B3GALT1: variants seen among roughly 807,000 people sequenced by gnomAD.
B3GALT1 encodes the protein UDP-Gal:betaGlcNAc beta 1,3-galactosyltransferase, polypeptide 1.
A neutral mutation model predicts 23.2 loss-of-function variants in B3GALT1; 10 were observed. That is an observed-to-expected ratio of 0.43 (90% CI 0.27 to 0.73). The LOEUF is 0.73. Ranked by LOEUF, B3GALT1 falls within the 30% of genes least tolerant of loss-of-function variation. The pLI, the probability that B3GALT1 is intolerant of heterozygous loss-of-function variation, is 0.21. For synonymous variants in B3GALT1, 156 were observed against 141.5 expected (o/e 1.10, Z -0.73); for missense variants, 299 against 405.4 (o/e 0.74, Z 2.25).
intron 2 of B3GALT1, among the ~76,000 whole-genome samples, chr2:167,524,812 C>G (rs944395561): frequency 2.0e-5 from 3 of 152,200 alleles, no homozygotes; most frequent in African/African-American, 4.8e-5. Context: ...ACACTATCAG[C>G]ACCTTGCCTT....
At chr2:167,393,266 T>G (rs1490931746) in intron 1 of B3GALT1, among the ~76,000 whole-genome samples, 1 of 150,424 alleles carries the variant, frequency 6.6e-6, no homozygotes, top group Non-Finnish European at 1.5e-5. Context: ...ATGTTTATGT[T>G]GTTGGTGAGT....
chr2:167,300,310 A>G (rs1287993034), intron 1 of B3GALT1, among the ~76,000 whole-genome samples: 1 of 152,258 alleles, frequency 6.6e-6, no homozygotes, highest in Non-Finnish European at 1.5e-5. Context: ...TTAAAATTCA[A>G]AAGCTTCCTA....
At chr2:167,345,542 CTGT>C (rs1401806379) in intron 1 of B3GALT1, among the ~76,000 whole-genome samples, 2 of 152,100 alleles carry the variant, frequency 1.3e-5, no homozygotes, top group Non-Finnish European at 2.9e-5. Context: ...GTTGTGAACT[CTGT>C]TATCAGACCA....
intron 3 of B3GALT1, among the ~76,000 whole-genome samples, chr2:167,749,322 G>A (rs144158460): frequency 6.6e-6 from 1 of 152,116 alleles, no homozygotes; most frequent in Non-Finnish European, 1.5e-5. Flanking sequence ...CTATGTGTCC[G>A]ATCTTCCTGC....
chr2:167,871,850 A>C lies in B3GALT1; in HGVS notation c.*1830A>C, dbSNP rs1690354391. ...GAAAACACCTGTTTGTTCTCAAAGA[A>C]AGCCCCACAGCTGAAAGAGTGTACC... On this transcript the variant is annotated 3_prime_UTR_variant, in exon 5 of 5. Coordinates refer to ENST00000392690, the MANE Select transcript of B3GALT1 (RefSeq NM_020981.4). The C allele has an allele frequency of 6.6e-6, 1 of 151,644 alleles. No individual in the cohort carries two copies. Among genetic ancestry groups the C allele is most frequent in the African/African-American group, 2.4e-5 (1 of 41,278 alleles). The allele number at this position is 151,644 out of a possible 1,614,324, so 9.4% of individuals were successfully genotyped here.
At chr2:167,324,436 A>G (rs1042874910) in intron 1 of B3GALT1, among the ~76,000 whole-genome samples, 1 of 152,066 alleles carries the variant, frequency 6.6e-6, no homozygotes, top group Non-Finnish European at 1.5e-5. Context: ...GCTGATAATC[A>G]TGAGTAATCA....
chr2:167,641,997 C>A (rs1685660648), intron 2 of B3GALT1, among the ~76,000 whole-genome samples: 1 of 152,160 alleles, frequency 6.6e-6, no homozygotes, highest in Admixed American at 6.5e-5. Context: ...TATTTTGACT[C>A]TTTCTCCAGA....
rs1288458491 is a variant in B3GALT1, at chr2:167,872,425, GGTA to G, written c.*2406_*2408del. The G allele has an allele frequency of 6.6e-6, 1 of 152,136 alleles. No homozygotes were observed. The highest frequency in any genetic ancestry group is 2.4e-5 in the African/African-American group (1 of 41,414). 9.4% of individuals were successfully genotyped at this position (152,136 alleles called of 1,614,324 possible). On this transcript the variant is annotated 3_prime_UTR_variant, in exon 5 of 5. Transcript: ENST00000392690. The stretch of plus-strand genomic sequence containing the variant: ...GGTTTTGATTAGACAATAGCAATTA[GGTA>G]ACCTGGGGAGAGATGGATCAGCACA...
At chr2:167,602,056 C>T (rs1574161969) in intron 2 of B3GALT1, among the ~76,000 whole-genome samples, 1 of 152,188 alleles carries the variant, frequency 6.6e-6, no homozygotes, top group Non-Finnish European at 1.5e-5. Flanking sequence ...ATGCAGATTT[C>T]AGGACCCATA....
intron 4 of B3GALT1, among the ~76,000 whole-genome samples, chr2:167,825,391 TAGTC>T (rs904724549): frequency 2.0e-5 from 3 of 149,400 alleles, no homozygotes; most frequent in African/African-American, 7.3e-5. Context: ...GAGACAATGT[TAGTC>T]AGGGCTCTCC....
intron 3 of B3GALT1, among the ~76,000 whole-genome samples, chr2:167,773,962 A>G (rs1240511257): frequency 3.3e-5 from 5 of 152,240 alleles, no homozygotes; most frequent in African/African-American, 1.2e-4. Flanking sequence ...ACTGATAGCT[A>G]GTTATTCTAA....
At chr2:167,360,983 C>T (rs1241286016) in intron 1 of B3GALT1, among the ~76,000 whole-genome samples, 3 of 152,134 alleles carry the variant, frequency 2.0e-5, no homozygotes, top group African/African-American at 7.2e-5. Context: ...TGGCTTATTT[C>T]ACTTAACGTA....
chr2:167,371,355 G>A (rs1229720209), intron 1 of B3GALT1, among the ~76,000 whole-genome samples: 1 of 152,078 alleles, frequency 6.6e-6, no homozygotes, highest in Non-Finnish European at 1.5e-5. Context: ...GTACTAAGGA[G>A]TATATTGCTA....
chr2:167,489,824 A>G (rs1699681449), intron 1 of B3GALT1, among the ~76,000 whole-genome samples: 1 of 152,232 alleles, frequency 6.6e-6, no homozygotes, highest in Admixed American at 6.5e-5. Context: ...TCTTGTGGAA[A>G]TACTTGCTAT....
chr2:167,785,307 G>T (rs1344454202), intron 3 of B3GALT1, among the ~76,000 whole-genome samples: 2 of 152,140 alleles, frequency 1.3e-5, no homozygotes, highest in African/African-American at 4.8e-5. Context: ...ATCAGGGAGG[G>T]AACAGCCAGA....
At chr2:167,715,605 C>G in intron 3 of B3GALT1, 3 of 1,613,862 alleles carry the variant, frequency 1.9e-6, no homozygotes, top group South Asian at 2.2e-5. Context: ...GATTTCTCTT[C>G]TTTTAACTCT....
At chr2:167,455,701 C>T (rs1423089356) in intron 1 of B3GALT1, among the ~76,000 whole-genome samples, 4 of 152,032 alleles carry the variant, frequency 2.6e-5, no homozygotes, top group East Asian at 3.9e-4. Context: ...TTAATAGAGA[C>T]GAGATTTCAC....
chr2:167,420,907 T>G (rs549841500), intron 1 of B3GALT1, among the ~76,000 whole-genome samples: 49 of 152,322 alleles, frequency 3.2e-4, no homozygotes, highest in Non-Finnish European at 6.0e-4. Flanking sequence ...TTATTCGATA[T>G]TGGAATATTA....
chr2:167,666,224 G>A (rs1436555318), intron 3 of B3GALT1, among the ~76,000 whole-genome samples: 1 of 152,152 alleles, frequency 6.6e-6, no homozygotes, highest in Non-Finnish European at 1.5e-5. Context: ...AGTCCTTCAG[G>A]TGTAGGTTGT....
Sources: gnomAD v4.1 joint callset for allele counts (sites outside exome capture counted in the v4.1 genomes callset) on GRCh38, gnomAD v4.1.1 for gene constraint, MANE v1.5 for transcripts, NCBI Gene and HGNC (gene_info 2026-07-23, HGNC 2026-07-21) for gene names.